The following DNAH17 variants were observed in gnomAD, a reference collection of about 807,000 sequenced individuals.
DNAH17 encodes axonemal beta dynein heavy chain 17.
Under a neutral mutation model 485.6 loss-of-function variants are expected in DNAH17, and 376 were observed. That is an observed-to-expected ratio of 0.77 (90% CI 0.71 to 0.84). The LOEUF (loss-of-function observed/expected upper bound fraction) is 0.84, where lower values mean the gene tolerates loss of function less well. Among genes scored for constraint, DNAH17 ranks in the 40% least tolerant of loss-of-function variants. DNAH17 has a pLI of 0.00. For missense variants in DNAH17, 6,370 were observed against 5,839.3 expected (o/e 1.09, Z -2.96); for synonymous variants, 3,031 against 2,405.9 (o/e 1.26, Z -7.60).
intron 16 of DNAH17, among the ~76,000 whole-genome samples, chr17:78,548,543 T>C (rs2091829244): frequency 6.6e-6 from 1 of 152,144 alleles, no homozygotes; most frequent in Admixed American, 6.5e-5. Context: ...TTAGGTTTAC[T>C]AAATAAAGAG....
chr17:78,560,427 T>C (rs1176860033), intron 13 of DNAH17, among the ~76,000 whole-genome samples: 1 of 152,122 alleles, frequency 6.6e-6, no homozygotes, highest in African/African-American at 2.4e-5. Flanking sequence ...TTCTCCCCAG[T>C]GTGCCTGCCT....
At chr17:78,487,770 C>T (rs2089676384) in intron 44 of DNAH17, among the ~76,000 whole-genome samples, 1 of 152,130 alleles carries the variant, frequency 6.6e-6, no homozygotes, top group African/African-American at 2.4e-5. Flanking sequence ...GATGATCTGC[C>T]CGCCTCAGCT....
intron 71 of DNAH17, among the ~76,000 whole-genome samples, chr17:78,441,501 G>C (rs563633398): frequency 6.6e-6 from 1 of 152,300 alleles, no homozygotes; most frequent in Non-Finnish European, 1.5e-5. Context: ...ACTGCGGGGG[G>C]TGGGGGCGCT....
chr17:78,497,319 C>T (rs2090111619), intron 37 of DNAH17, among the ~76,000 whole-genome samples: 1 of 152,158 alleles, frequency 6.6e-6, no homozygotes, highest in Non-Finnish European at 1.5e-5. Flanking sequence ...CCAGCACCTG[C>T]CTTTCCCTGT....
chr17:78,494,716 C>T lies in DNAH17; in HGVS notation c.6147G>A (p.Arg2049=), dbSNP rs771778021. 7 of 1,613,790 alleles carry T rather than the reference C, an allele frequency of 4.3e-6. No homozygotes were observed. Among genetic ancestry groups the T allele is most frequent in the South Asian group, 1.1e-5 (1 of 91,094 alleles). ...PSRAEDQVLM[R]ALRDFNIPKI... ...TGGGGATGTTGAAGTCTCTCAGCGC[C>T]CGCATGAGCACCTGGTCCTCTGCCC... The change falls in exon 40 of 81, where the codon CGG becomes CGA. Residue 2049 remains arginine, a synonymous_variant. Coordinates refer to ENST00000389840, the MANE Select transcript of DNAH17 (RefSeq NM_173628.4).
intron 54 of DNAH17, among the ~76,000 whole-genome samples, chr17:78,469,879 A>G (rs1030509375): frequency 6.6e-6 from 1 of 152,114 alleles, no homozygotes; most frequent in African/African-American, 2.4e-5. Context: ...AGTCAAAGTC[A>G]GGGACAGAAA....
Position 78,529,595 on chromosome 17 carries a change from G to T in DNAH17, c.3384C>A (p.His1128Gln). The stretch of plus-strand genomic sequence containing the variant: ...CTTGCCTCTCCTTGACTTTCATCAG[G>T]TGCCCCATCACCTCCACAAGCCCAT... Reference protein sequence around the residue: ...DYDGLVEVMGHLMKVKERQAA... With the variant: ...DYDGLVEVMGQLMKVKERQAA... Residue 1128 changes from histidine to glutamine, a missense_variant, in exon 22 of 81, where the codon CAC (histidine) becomes CAA (glutamine). Transcript: ENST00000389840. 6.2e-7 allele frequency: 1 copy of T among 1,613,826 alleles called. No individual in the cohort carries two copies. The highest frequency in any genetic ancestry group is 8.5e-7 in the Non-Finnish European group (1 of 1,179,846).
intron 14 of DNAH17, among the ~76,000 whole-genome samples, chr17:78,554,070 C>T (rs2091967213): frequency 6.6e-6 from 1 of 152,118 alleles, no homozygotes; most frequent in Non-Finnish European, 1.5e-5. Flanking sequence ...GCTGGGATTA[C>T]AGGTGTGAGT....
At chr17:78,496,940 G>C (rs1450902420) in intron 37 of DNAH17, 1 of 152,132 alleles carries the variant, frequency 6.6e-6, no homozygotes, top group Non-Finnish European at 1.5e-5. Context: ...CCAAAGTACT[G>C]GGATTACAGG....
At chr17:78,561,045 A>G in intron 12 of DNAH17, 110 bp from the exon 13 acceptor site, 1 of 1,022,692 alleles carries the variant, frequency 9.8e-7, no homozygotes, top group Non-Finnish European at 1.4e-6. Context: ...CCGGCCACCC[A>G]ATTACTCGAG....
chr17:78,573,466 G>T (rs996301020), intron 2 of DNAH17, among the ~76,000 whole-genome samples: 3 of 152,028 alleles, frequency 2.0e-5, no homozygotes, highest in Non-Finnish European at 4.4e-5. Flanking sequence ...AGGCATGGTG[G>T]CACCTGCCTA....
chr17:78,488,497 G>A (rs1221663026), intron 44 of DNAH17, among the ~76,000 whole-genome samples: 1 of 151,996 alleles, frequency 6.6e-6, no homozygotes, highest in Non-Finnish European at 1.5e-5. Context: ...GCTCCCATAG[G>A]GTGTCCCCCT....
At chr17:78,431,402 G>C (rs943287395) in intron 75 of DNAH17, among the ~76,000 whole-genome samples, 3 of 152,058 alleles carry the variant, frequency 2.0e-5, no homozygotes, top group East Asian at 1.9e-4. Flanking sequence ...CTTCCCGCAG[G>C]GGGTGGGGGT....
intron 55 of DNAH17, among the ~76,000 whole-genome samples, chr17:78,468,242 T>TA (rs2088578014): frequency 6.6e-6 from 1 of 152,120 alleles, no homozygotes; most frequent in Non-Finnish European, 1.5e-5. Context: ...TATTAGGTAT[T>TA]ATAAGTAATC....
In DNAH17 at chr17:78,569,530, G is replaced by A; in HGVS notation, c.1045-3C>T. ...TCCGGGCTCAGGAAGGTTCGTGTCT[G>A]GGCAAAAGAGAAGACAGACATCTAA... is the stretch of plus-strand genomic sequence containing the variant. On this transcript the variant is annotated splice_region_variant and splice_polypyrimidine_tract_variant and intron_variant, in intron 7 of 80. Coordinates refer to ENST00000389840, the MANE Select transcript of DNAH17 (RefSeq NM_173628.4). 7 of 1,601,104 alleles carry A rather than the reference G, an allele frequency of 4.4e-6. No homozygotes were observed. Among genetic ancestry groups the A allele is most frequent in the Non-Finnish European group, 5.1e-6 (6 of 1,174,098 alleles).
intron 44 of DNAH17, among the ~76,000 whole-genome samples, chr17:78,487,805 A>G (rs921018870): frequency 2.0e-5 from 3 of 152,152 alleles, no homozygotes; most frequent in Admixed American, 1.3e-4. Context: ...GATTACAGAC[A>G]TGAGGCACTG....
At chr17:78,458,541 G>A (rs2087920688) in intron 62 of DNAH17, 24 bp downstream of exon 62, 2 of 1,588,528 alleles carry the variant, frequency 1.3e-6, no homozygotes, top group Non-Finnish European at 8.6e-7. Flanking sequence ...GAGCAGGAGG[G>A]TGGTCTCGGG....
intron 54 of DNAH17, among the ~76,000 whole-genome samples, chr17:78,470,701 T>A (rs2088709004): frequency 6.6e-6 from 1 of 151,922 alleles, no homozygotes; most frequent in Non-Finnish European, 1.5e-5. Context: ...AGAAAAGAAA[T>A]AAGTAACAGT....
intron 42 of DNAH17, 142 bp from the exon 43 acceptor site, chr17:78,491,712 T>G: frequency 7.5e-7 from 1 of 1,338,708 alleles, no homozygotes; most frequent in Non-Finnish European, 9.9e-7. Flanking sequence ...GGGCATGAGG[T>G]GCCCAGGCTC....
Sources: gnomAD v4.1 joint callset for allele counts (sites outside exome capture counted in the v4.1 genomes callset) on GRCh38, gnomAD v4.1.1 for gene constraint, MANE v1.5 for transcripts, NCBI Gene and HGNC (gene_info 2026-07-23, HGNC 2026-07-21) for gene names.